ABR: variants seen among roughly 807,000 people sequenced by gnomAD.
ABR encodes active breakpoint cluster region-related protein.
A neutral mutation model predicts 107.2 loss-of-function variants in ABR; 35 were observed. The ratio of observed to expected loss-of-function variants is 0.33; its 90% CI spans 0.25 to 0.43. ABR has a LOEUF of 0.43. ABR is among the 20% of genes least tolerant of loss of function. The pLI, the probability that ABR is intolerant of heterozygous loss-of-function variation, is 1.00. For synonymous variants in ABR, 498 were observed against 462.0 expected (o/e 1.08, Z -1.00); for missense variants, 815 against 1,115.2 (o/e 0.73, Z 3.83).
chr17:1,168,912 C>T (rs1181829916), intron 1 of ABR, among the ~76,000 whole-genome samples: 1 of 152,246 alleles, frequency 6.6e-6, no homozygotes, highest in African/African-American at 2.4e-5. Flanking sequence ...ATCCAGGCCT[C>T]CCAAGGGGGA....
rs1225366335 is a variant in ABR, at chr17:1,179,048, G to T, written c.61+619C>A. Among the ~76,000 whole-genome samples the T allele has an allele frequency of 6.6e-6, 1 of 151,768 alleles. No individual in the cohort carries two copies. The highest frequency in any genetic ancestry group is 1.5e-5 in the Non-Finnish European group (1 of 67,910). On this transcript the variant is annotated intron_variant, in intron 1 of 22. Coordinates refer to ENST00000302538, the MANE Select transcript of ABR (RefSeq NM_021962.5). The surrounding 1 kb of genome is among the most constrained non-coding windows in gnomAD (Gnocchi z 4.9). ...GGTGGTGGTGATGATGAGGGTGGGGGTGGTGATGAGGCTGGCAGGAAAGAT... is the reference window on the plus strand; with the variant it reads ...GGTGGTGGTGATGATGAGGGTGGGGTTGGTGATGAGGCTGGCAGGAAAGAT...
intron 16 of ABR, among the ~76,000 whole-genome samples, chr17:1,039,027 A>C (rs1308616897): frequency 1.3e-5 from 2 of 152,074 alleles, no homozygotes; most frequent in African/African-American, 4.8e-5. Context: ...GGGTCACCCG[A>C]GGTTGGCCGG....
At chr17:1,175,359 CCGAG>C (rs2041883012) in intron 1 of ABR, among the ~76,000 whole-genome samples, 1 of 152,116 alleles carries the variant, frequency 6.6e-6, no homozygotes, top group Non-Finnish European at 1.5e-5. Context: ...TTGCAGTGAG[CCGAG>C]ATCGCACCGC....
chr17:1,108,968 G>A, intron 2 of ABR: 1 of 1,597,388 alleles, frequency 6.3e-7, no homozygotes, highest in African/African-American at 1.4e-5. Context: ...CCCTGAGCCG[G>A]GGCTGGTCGG....
intron 2 of ABR, among the ~76,000 whole-genome samples, chr17:1,123,925 G>C (rs1220199708): frequency 6.6e-6 from 1 of 152,144 alleles, no homozygotes. Context: ...CCCGTCTTAG[G>C]GCAGGTCAAC....
chr17:1,088,261 C>T (rs2036758328), intron 4 of ABR, among the ~76,000 whole-genome samples: 1 of 152,000 alleles, frequency 6.6e-6, no homozygotes, highest in African/African-American at 2.4e-5. Context: ...TTTCCAGCAA[C>T]CCTAGGTTTG....
intron 1 of ABR, among the ~76,000 whole-genome samples, chr17:1,160,556 A>G (rs2041248226): frequency 6.6e-6 from 1 of 152,136 alleles, no homozygotes; most frequent in Non-Finnish European, 1.5e-5. Context: ...CACTCACCAA[A>G]CACTTCTCAT....
intron 16 of ABR, among the ~76,000 whole-genome samples, chr17:1,030,214 A>G (rs2072617621): frequency 6.6e-6 from 1 of 152,226 alleles, no homozygotes; most frequent in Admixed American, 6.5e-5. Context: ...AAGAACTGAA[A>G]GTCTGGGACC....
intron 2 of ABR, among the ~76,000 whole-genome samples, chr17:1,108,085 G>C (rs964690319): frequency 6.6e-6 from 1 of 152,246 alleles, no homozygotes; most frequent in Non-Finnish European, 1.5e-5. Flanking sequence ...TCGCCTAGCA[G>C]TCTGCAAACT....
intron 16 of ABR, among the ~76,000 whole-genome samples, chr17:1,024,571 A>G (rs1046543235): frequency 1.3e-5 from 2 of 152,140 alleles, no homozygotes; most frequent in Non-Finnish European, 2.9e-5. Flanking sequence ...GGATCCACTG[A>G]AGCCAGAAGT....
intron 2 of ABR, among the ~76,000 whole-genome samples, chr17:1,110,519 GATTTTAAAACGATGGCAAATAATTAAC>G (rs534021552): frequency 2.6e-5 from 4 of 152,312 alleles, no homozygotes; most frequent in Non-Finnish European, 5.9e-5. Flanking sequence ...GAATGCTCCT[GATTTTAAAACGATGGCAAATAATTAAC>G]ATTTTAAAAC....
At chr17:1,018,384 T>G (rs1287612068) in intron 16 of ABR, among the ~76,000 whole-genome samples, 2 of 152,284 alleles carry the variant, frequency 1.3e-5, no homozygotes, top group East Asian at 3.9e-4. Context: ...TTGTATGTAT[T>G]TATGGGGCGC....
chr17:1,018,281 AT>A (rs1477809319), intron 16 of ABR, among the ~76,000 whole-genome samples: 1 of 149,592 alleles, frequency 6.7e-6, no homozygotes, highest in Admixed American at 6.7e-5. Context: ...TGACCTCGTG[AT>A]TCGCCCACCT....
chr17:1,169,922 C>G (rs1294141414), intron 1 of ABR, among the ~76,000 whole-genome samples: 2 of 151,462 alleles, frequency 1.3e-5, no homozygotes, highest in African/African-American at 4.9e-5. Flanking sequence ...ATCCCAACCG[C>G]CAAAGTCTAT....
Position 1,050,755 on chromosome 17 carries a change from T to A in ABR, c.1562-121A>T, listed in dbSNP as rs2032392965. On this transcript the variant is annotated intron_variant, in intron 14 of 22. Coordinates refer to ENST00000302538, the MANE Select transcript of ABR (RefSeq NM_021962.5). The surrounding 1 kb of genome is among the most constrained non-coding windows in gnomAD (Gnocchi z 4.6). ...CTTTCCAACGTCCCCACGGATGGCA[T>A]CTTGGCTCTCTCCTCCCTGAAGCCC... 1 of 776,942 alleles carries A rather than the reference T, an allele frequency of 1.3e-6. No homozygotes were observed. The highest frequency in any genetic ancestry group is 1.7e-5 in the African/African-American group (1 of 58,906). The allele number at this position is 776,942 out of a possible 1,614,324, so 48.1% of individuals were successfully genotyped here. A position where few individuals can be genotyped will look rare whatever the true frequency, so the allele number is the denominator to read the frequency against.
chr17:1,071,808 TC>T lies in ABR; in HGVS notation c.894+805del, dbSNP rs2035263441. ...TTCCCCGGCGTGGGCCTCCAGACAG[TC>T]CCAGGTGAGGAATCCAGCTCTGACA... On this transcript the variant is annotated intron_variant, in intron 8 of 22. Coordinates refer to ENST00000302538, the MANE Select transcript of ABR (RefSeq NM_021962.5). This position sits in a 1 kb window ranked among gnomAD's most constrained non-coding sequence, Gnocchi z 5.1. Among the ~76,000 whole-genome samples the T allele has an allele frequency of 6.6e-6, 1 of 152,244 alleles. No homozygotes were observed. Among genetic ancestry groups the T allele is most frequent in the Non-Finnish European group, 1.5e-5 (1 of 68,038 alleles).
chr17:1,012,987 G>A lies in ABR; in HGVS notation c.1851+118C>T, dbSNP rs968513362. 286 of 1,286,424 alleles carry A rather than the reference G, an allele frequency of 2.2e-4. No homozygotes were observed. The Middle Eastern group carries it at 2.3e-3, about 11-fold the overall frequency. The allele number at this position is 1,286,424 out of a possible 1,614,324, so 79.7% of individuals were successfully genotyped here. On this transcript the variant is annotated intron_variant, in intron 17 of 22. Transcript: ENST00000302538. ...AGGAGGGGAGAGGGGGCTGGGCTGCGGGGAGGTCGAGGCGGCACAGCGGCC... is the reference window on the plus strand; with the variant it reads ...AGGAGGGGAGAGGGGGCTGGGCTGCAGGGAGGTCGAGGCGGCACAGCGGCC...
chr17:1,100,552 C>A (rs1334371378), intron 3 of ABR, 85 bp downstream of exon 3: 2 of 1,333,148 alleles, frequency 1.5e-6, no homozygotes, highest in Middle Eastern at 1.9e-4. Flanking sequence ...CCTTTCCTCT[C>A]CAACTCCAAA....
At chr17:1,122,821 CAA>C (rs1406834327) in intron 2 of ABR, among the ~76,000 whole-genome samples, 3 of 152,296 alleles carry the variant, frequency 2.0e-5, no homozygotes, top group African/African-American at 7.2e-5. Flanking sequence ...CTGACTAACA[CAA>C]AGACTCAACC....
Sources: gnomAD v4.1 joint callset for allele counts (sites outside exome capture counted in the v4.1 genomes callset) on GRCh38, gnomAD v4.1.1 for gene constraint, Gnocchi (gnomAD v3.1) non-coding constraint, MANE v1.5 for transcripts, NCBI Gene and HGNC (gene_info 2026-07-23, HGNC 2026-07-21) for gene names.